The following AHNAK2 variants were observed in gnomAD, a reference collection of about 807,000 sequenced individuals.
The protein encoded by AHNAK2 is AHNAK nucleoprotein 2.
In AHNAK2, 18 loss-of-function variants were observed where a neutral mutation model predicts 30.7. That is an observed-to-expected ratio of 0.59 (90% confidence interval 0.41 to 0.87). The LOEUF (loss-of-function observed/expected upper bound fraction) is 0.87. Ranked by LOEUF, AHNAK2 falls within the 40% of genes least tolerant of loss-of-function variation. The probability of loss-of-function intolerance (pLI) is 0.00; values close to 1 mark genes in which losing one functional copy is unlikely to be tolerated. For synonymous variants in AHNAK2, 3,590 were observed against 3,073.8 expected (o/e 1.17, Z -5.56); for missense variants, 8,604 against 7,373.0 (o/e 1.17, Z -6.11).
rs1199659497 is a variant in AHNAK2 at position 104,952,199 on chromosome 14, C to G, written c.3252G>C (p.Val1084=). The G allele has an allele frequency of 6.2e-7, 1 of 1,612,570 alleles. No homozygotes were observed. Among genetic ancestry groups the G allele is most frequent in the Non-Finnish European group, 8.5e-7 (1 of 1,179,604 alleles). ...TGGGCATCTTGAAACTGGGCATCTC[C>G]ACCTTGGGCAAGTGCCCTTTAAGGC... ...GAGLKGHLPK[V]EMPSFKMPKV... Residue 1084 remains valine (V), a synonymous_variant, in exon 7 of 7, where the codon GTG becomes GTC. Coordinates refer to ENST00000333244, the MANE Select transcript of AHNAK2 (RefSeq NM_138420.4).
Position 104,942,609 on chromosome 14 carries a change from T to A in AHNAK2, c.12842A>T (p.Glu4281Val), listed in dbSNP as rs1388057675. ...CTTGTCGGCTAGGGACAGGTCACCC[T>A]CCAGCCGCACACTGTCCAGCTTGGC... is the stretch of plus-strand genomic sequence containing the variant. ...PGAKLDSVRL[E>V]GDLSLADKDM... Residue 4281 changes from glutamate (E) to valine (V), a missense_variant, in exon 7 of 7, where the codon GAG becomes GTG. Transcript: ENST00000333244. The A allele has an allele frequency of 6.8e-6, 11 of 1,613,110 alleles. No homozygotes were observed. The highest frequency in any genetic ancestry group is 9.3e-6 in the Non-Finnish European group (11 of 1,179,638).
In AHNAK2 at chr14:104,948,143, G is replaced by C. The variant is rs377022665; in HGVS notation, c.7308C>G (p.Asp2436Glu). Residue 2436 changes from aspartate to glutamate, a missense_variant, in exon 7 of 7, where the codon GAC becomes GAG. By Grantham distance (45) the Asp-to-Glu change is conservative (BLOSUM62 2). Coordinates refer to ENST00000333244, the MANE Select transcript of AHNAK2 (RefSeq NM_138420.4). ...PKLDLKGPKT[D>E]VMAPDVEVSQ... ...ACACCTCCACGTCGGGGGCCATCAC[G>C]TCCGTCTTGGGGCCTTTCAGGTCCA... is the stretch of plus-strand genomic sequence containing the variant. 6 of 1,605,584 alleles carry C rather than the reference G, an allele frequency of 3.7e-6. No individual in the cohort carries two copies. The highest frequency in any genetic ancestry group is 1.7e-4 in the Middle Eastern group (1 of 6,036).
rs779902900 is a variant in AHNAK2 at position 104,954,640 on chromosome 14, G to A, written c.811C>T (p.Arg271Trp). ...WPKFQSIKSK[R>W]GPGPQRSHSS... ...TGTGACCTCTGGGGTCCCGGCCCCC[G>A]CTTGCTCTTTATGGATTGAAATTTT... Residue 271 changes from arginine (R) to tryptophan (W), a missense_variant, in exon 7 of 7, where the codon CGG becomes TGG. Physicochemically the swap from Arg to Trp is moderately radical, Grantham distance 101. Transcript: ENST00000333244. This position sits in a 1 kb window ranked among gnomAD's most constrained non-coding sequence, Gnocchi z 4.3. 61 of 1,612,402 alleles carry A rather than the reference G, an allele frequency of 3.8e-5. No individual in the cohort carries two copies. The highest frequency in any genetic ancestry group is 2.0e-4 in the Admixed American group (12 of 59,892).
At chr14:104,976,086 G>A (rs993667244) in intron 1 of AHNAK2, among the ~76,000 whole-genome samples, 3 of 152,288 alleles carry the variant, frequency 2.0e-5, no homozygotes, top group South Asian at 2.1e-4. Flanking sequence ...CCACACCGGG[G>A]CAGCAGGTGC....
At position 104,951,017 on chromosome 14, in the gene AHNAK2, GTCC is replaced by G; in HGVS notation, c.4431_4433del (p.Glu1477del). The stretch of plus-strand genomic sequence containing the variant: ...TCAAGTCCTTGTCGGCCAGGGACAT[GTCC>G]TCCTCCAGCCGTCCACCATCCAGCT... On this transcript the variant is annotated inframe_deletion, in exon 7 of 7. Coordinates refer to ENST00000333244, the MANE Select transcript of AHNAK2 (RefSeq NM_138420.4). 6 of 1,063,806 alleles carry G rather than the reference GTCC, an allele frequency of 5.6e-6. 2 individuals are homozygous for G. Among genetic ancestry groups the G allele is most frequent in the Non-Finnish European group, 8.2e-6 (6 of 733,406 alleles). 65.9% of individuals were successfully genotyped at this position (1,063,806 alleles called of 1,614,324 possible).
In AHNAK2 at chr14:104,945,770, G is replaced by T; in HGVS notation, c.9681C>A (p.Pro3227=). The T allele has an allele frequency of 6.3e-7, 1 of 1,592,080 alleles. No homozygotes were observed. Among genetic ancestry groups the T allele is most frequent in the Non-Finnish European group, 8.6e-7 (1 of 1,167,380 alleles). ...TCTTGAAACTGGGCATCTGCAACTTGGGCAGGTGCCCTTTGAGGCCAGCTC... is the reference window on the plus strand; with the variant it reads ...TCTTGAAACTGGGCATCTGCAACTTTGGCAGGTGCCCTTTGAGGCCAGCTC... ...LEGAGLKGHL[P]KLQMPSFKMP... is the part of the protein sequence containing the mutation. The change falls in exon 7 of 7, where the codon CCC becomes CCA. Residue 3227 remains proline, a synonymous_variant. Transcript: ENST00000333244.
rs763150159 is a variant in AHNAK2 at position 104,938,090 on chromosome 14, C to A, written c.17361G>T (p.Gly5787=). The change falls in exon 7 of 7, where the codon GGG becomes GGT. Residue 5787 remains glycine, a synonymous_variant. Transcript: ENST00000333244. ...AGCCTTCATTTGGTCCCAGGCCTGA[C>A]CCTTTGCTTTCATCGTCAGCTTTTC... The part of the protein sequence containing the change: ...QDRKADDESK[G]SGLGPNEG The A allele has an allele frequency of 6.2e-7, 1 of 1,613,914 alleles. No homozygotes were observed. Among genetic ancestry groups the A allele is most frequent in the Non-Finnish European group, 8.5e-7 (1 of 1,179,846 alleles).
At chr14:104,960,356 A>G (rs1899102344) in intron 1 of AHNAK2, among the ~76,000 whole-genome samples, 1 of 152,212 alleles carries the variant, frequency 6.6e-6, no homozygotes, top group South Asian at 2.1e-4. Context: ...TCTTGTCATT[A>G]TTCCCTAAAC....
chr14:104,977,456 C>T (rs980211775), intron 1 of AHNAK2, among the ~76,000 whole-genome samples: 1 of 152,214 alleles, frequency 6.6e-6, no homozygotes, highest in Non-Finnish European at 1.5e-5. Flanking sequence ...TCCCTGGGGG[C>T]ATGCCAGTAG....
intron 5 of AHNAK2, 132 bp downstream of exon 5, chr14:104,955,351 A>G (rs1898940079): frequency 7.3e-7 from 1 of 1,372,168 alleles, no homozygotes; most frequent in Non-Finnish European, 9.8e-7. Context: ...CCCAGCCTCA[A>G]GCTGTTGAGC....
chr14:104,970,149 G>T (rs751119735), intron 1 of AHNAK2, among the ~76,000 whole-genome samples: 4 of 152,068 alleles, frequency 2.6e-5, no homozygotes, highest in Non-Finnish European at 5.9e-5. Flanking sequence ...TCCCCTACCT[G>T]CCCAGGGCCC....
Position 104,941,649 on chromosome 14 carries a change from G to A in AHNAK2, c.13802C>T (p.Pro4601Leu). 6.2e-7 allele frequency: 1 copy of A among 1,613,648 alleles called. No homozygotes were observed. The highest frequency in any genetic ancestry group is 1.1e-5 in the South Asian group (1 of 91,078). ...CCGCGCACCATCCAGCATGGATCCT[G>A]GGGCCTGGACATCCGTCTCCACGCT... ...LPSVETDVQAPGSMLDGARLE... is the reference protein window; with the variant it reads ...LPSVETDVQALGSMLDGARLE... Residue 4601 changes from proline to leucine, a missense_variant, in exon 7 of 7, where the codon CCA (proline) becomes CTA (leucine). Physicochemically the swap from Pro to Leu is moderately conservative, Grantham distance 98. Coordinates refer to ENST00000333244, the MANE Select transcript of AHNAK2 (RefSeq NM_138420.4).
chr14:104,943,740 G>A lies in AHNAK2; in HGVS notation c.11711C>T (p.Pro3904Leu), dbSNP rs762274842. ...FKMPKVDLKG[P>L]EIDIKGPKLD... is the part of the protein sequence containing the mutation. ...CTTGGGGCCCTTGATGTCTATTTCA[G>A]GGCCCTTGAGGTCGACTTTGGGCAT... Residue 3904 changes from proline (P) to leucine (L), a missense_variant, in exon 7 of 7, where the codon CCT (proline) becomes CTT (leucine). Coordinates refer to ENST00000333244, the MANE Select transcript of AHNAK2 (RefSeq NM_138420.4). The A allele has an allele frequency of 6.2e-7, 1 of 1,612,468 alleles. No homozygotes were observed. Among genetic ancestry groups the A allele is most frequent in the African/African-American group, 1.3e-5 (1 of 74,544 alleles).
rs748513230 is a variant in AHNAK2, at chr14:104,952,008, T to C, written c.3443A>G (p.Glu1148Gly). Reference protein sequence around the residue: ...AKLDSARLEGELSLADKDVTA... With the variant: ...AKLDSARLEGGLSLADKDVTA... ...CACATCCTTGTCGGCCAGGGACAGT[T>C]CCCCCTCCAGCCGCGCACTGTCCAG... The change falls in exon 7 of 7, where the codon GAA (glutamate) becomes GGA (glycine). Residue 1148 changes from glutamate to glycine, a missense_variant. By Grantham distance (98) the Glu-to-Gly change is moderately conservative. Coordinates refer to ENST00000333244, the MANE Select transcript of AHNAK2 (RefSeq NM_138420.4). The C allele has an allele frequency of 1.2e-6, 2 of 1,612,188 alleles. No individual in the cohort carries two copies. The highest frequency in any genetic ancestry group is 1.7e-5 in the Admixed American group (1 of 59,874).
At chr14:104,967,577 C>T (rs1398545808) in intron 1 of AHNAK2, among the ~76,000 whole-genome samples, 3 of 152,210 alleles carry the variant, frequency 2.0e-5, no homozygotes, top group East Asian at 1.9e-4. Context: ...CTGGCCCACG[C>T]GGGACAGTCC....
At position 104,954,169 on chromosome 14, in the gene AHNAK2, C is replaced by G; in HGVS notation, c.1282G>C (p.Ala428Pro). 1 of 1,610,170 alleles carries G rather than the reference C, an allele frequency of 6.2e-7. No homozygotes were observed. The highest frequency in any genetic ancestry group is 8.5e-7 in the Non-Finnish European group (1 of 1,179,806). Residue 428 changes from alanine (A) to proline (P), a missense_variant, in exon 7 of 7, where the codon GCA becomes CCA. By Grantham distance (27) the Ala-to-Pro change is conservative. Transcript: ENST00000333244. The surrounding 1 kb of genome is among the most constrained non-coding windows in gnomAD (Gnocchi z 4.3). ...RLHGKTLEGQ[A>P]QETAVAQRKP... ...CTCTGGGCCACTGCTGTCTCCTGTG[C>G]CTGCCCCTCCAGGGTCTTTCCATGG...
chr14:104,965,932 A>C (rs966454480), intron 1 of AHNAK2, among the ~76,000 whole-genome samples: 1 of 152,228 alleles, frequency 6.6e-6, no homozygotes. Flanking sequence ...TGGGCTACAG[A>C]CACTGCTCCC....
intron 1 of AHNAK2, among the ~76,000 whole-genome samples, chr14:104,976,734 G>T (rs1238546553): frequency 6.6e-6 from 1 of 152,238 alleles, no homozygotes; most frequent in Non-Finnish European, 1.5e-5. Flanking sequence ...GGATGAGATG[G>T]TCCTGGACCC....
In AHNAK2 at chr14:104,939,763, C is replaced by A. The variant is rs1424333796; in HGVS notation, c.15688G>T (p.Ala5230Ser). 6.2e-7 allele frequency: 1 copy of A among 1,613,868 alleles called. No homozygotes were observed. The highest frequency in any genetic ancestry group is 1.7e-5 in the Admixed American group (1 of 60,034). ...GAAACAAGGAACTCTTTGACTTTAG[C>A]TGCTGCTTCACCCCCTGTTGCTGCC... ...APAATGGEAA[A>S]KVKEFLVSGS... The change falls in exon 7 of 7, where the codon GCT becomes TCT. Residue 5230 changes from alanine (A) to serine (S), a missense_variant. Physicochemically the swap from Ala to Ser is moderately conservative, Grantham distance 99. Transcript: ENST00000333244.
Sources: allele counts gnomAD v4.1 joint callset (sites outside exome capture counted in the v4.1 genomes callset), GRCh38; gene constraint gnomAD v4.1.1; non-coding constraint Gnocchi (gnomAD v3.1); transcripts MANE v1.5; gene names NCBI Gene and HGNC (gene_info 2026-07-23, HGNC 2026-07-21).